INHBC: variants seen among roughly 807,000 people sequenced by gnomAD.
The protein encoded by INHBC is inhibin beta C chain.
Under a neutral mutation model 12.4 loss-of-function variants are expected in INHBC, and 10 were observed. The observed-to-expected ratio is 0.81, with a 90% CI of 0.50 to 1.37. The LOEUF is 1.37. Ranked by LOEUF, INHBC falls within the 40% of genes most tolerant of loss-of-function variation. The pLI, the probability that INHBC is intolerant of heterozygous loss-of-function variation, is 0.00. For missense variants in INHBC, 382 were observed against 439.4 expected (o/e 0.87, Z 1.17); for synonymous variants, 147 against 171.6 (o/e 0.86, Z 1.12).
At chr12:57,435,814 G>T (rs1342686147) in intron 1 of INHBC, among the ~76,000 whole-genome samples, 1 of 151,814 alleles carries the variant, frequency 6.6e-6, no homozygotes, top group African/African-American at 2.4e-5. Flanking sequence ...GAAGCCAGGA[G>T]TTCGAGACCA....
chr12:57,441,423 G>A lies in INHBC; in HGVS notation c.313+6224G>A, dbSNP rs1594727386. Among the ~76,000 whole-genome samples, 7 of 149,644 alleles carry A rather than the reference G, an allele frequency of 4.7e-5. No homozygotes were observed. In the South Asian group the frequency reaches 1.5e-3, roughly 32 times the overall value. ...GCCTGTAATCCCAGCTACTGGGGAG[G>A]CTGAGGCAGGAGAATTGCTTGAACC... On this transcript the variant is annotated intron_variant, in intron 1 of 1. Transcript: ENST00000309668.
rs926591059 is a variant in INHBC, at chr12:57,434,863, G to A, written c.-24G>A. On this transcript the variant is annotated 5_prime_UTR_variant, in exon 1 of 2. Coordinates refer to ENST00000309668, the MANE Select transcript of INHBC (RefSeq NM_005538.4). Reference sequence around the variant, plus strand: ...AGACCCTGAGCCCTGAGTCTGTATTGCTCAAGAAGGGCCTTCCCCAGCAAT... The same window carrying A: ...AGACCCTGAGCCCTGAGTCTGTATTACTCAAGAAGGGCCTTCCCCAGCAAT... 1 of 1,589,718 alleles carries A rather than the reference G, an allele frequency of 6.3e-7. No homozygotes were observed. The highest frequency in any genetic ancestry group is 1.3e-5 in the African/African-American group (1 of 74,536).
intron 1 of INHBC, among the ~76,000 whole-genome samples, chr12:57,445,721 C>A (rs556000235): frequency 5.0e-5 from 7 of 141,364 alleles, no homozygotes; most frequent in South Asian, 2.4e-4. Context: ...AGACCCCCCG[C>A]CCATCTCCAT....
intron 1 of INHBC, among the ~76,000 whole-genome samples, chr12:57,437,073 A>T (rs1180321259): frequency 6.6e-6 from 1 of 152,196 alleles, no homozygotes; most frequent in Non-Finnish European, 1.5e-5. Context: ...CTAAGATTAC[A>T]GACATGAGCC....
intron 1 of INHBC, among the ~76,000 whole-genome samples, chr12:57,436,307 G>A (rs1870335947): frequency 6.6e-6 from 1 of 150,890 alleles, no homozygotes. Flanking sequence ...TGGGACTACA[G>A]GCGTGTGTCA....
chr12:57,449,731 C>T lies in INHBC; in HGVS notation c.768C>T (p.Phe256=). The T allele has an allele frequency of 6.2e-7, 1 of 1,613,824 alleles. No individual in the cohort carries two copies. The highest frequency in any genetic ancestry group is 1.1e-5 in the South Asian group (1 of 91,086). The change falls in exon 2 of 2, where the codon TTC becomes TTT. Residue 256 remains phenylalanine (F), a synonymous_variant. Coordinates refer to ENST00000309668, the MANE Select transcript of INHBC (RefSeq NM_005538.4). Reference sequence around the variant, plus strand: ...GTCGACAAGAGTTTTTTGTGGACTTCCGTGAGATTGGCTGGCACGACTGGA... The same window carrying T: ...GTCGACAAGAGTTTTTTGTGGACTTTCGTGAGATTGGCTGGCACGACTGGA... ...MCCRQEFFVD[F]REIGWHDWII...
chr12:57,440,346 T>G (rs575717874), intron 1 of INHBC, among the ~76,000 whole-genome samples: 1 of 149,632 alleles, frequency 6.7e-6, no homozygotes, highest in African/African-American at 2.4e-5. Flanking sequence ...TTTTTTTTTT[T>G]TTTTTGAGAC....
At chr12:57,447,924 AAAT>A (rs1870625872) in intron 1 of INHBC, among the ~76,000 whole-genome samples, 2 of 81,066 alleles carry the variant, frequency 2.5e-5, no homozygotes, top group South Asian at 7.8e-4. Context: ...TATATATATA[AAAT>A]ATATGTGTGT....
In INHBC at chr12:57,435,130, G is replaced by A. The variant is rs992640698; in HGVS notation, c.244G>A (p.Val82Ile). Residue 82 changes from valine to isoleucine, a missense_variant, in exon 1 of 2, where the codon GTC (valine) becomes ATC (isoleucine). Physicochemically the swap from Val to Ile is conservative, Grantham distance 29. Coordinates refer to ENST00000309668, the MANE Select transcript of INHBC (RefSeq NM_005538.4). The stretch of plus-strand genomic sequence containing the variant: ...GACTGCACTGCAGCACCTCCACGGG[G>A]TCCCACAGGGGGCACTTCTAGAGGA... The part of the protein sequence containing the change: ...LRTALQHLHG[V>I]PQGALLEDNR... 1 of 1,614,164 alleles carries A rather than the reference G, an allele frequency of 6.2e-7. No homozygotes were observed. Among genetic ancestry groups the A allele is most frequent in the South Asian group, 1.1e-5 (1 of 91,090 alleles).
intron 1 of INHBC, among the ~76,000 whole-genome samples, chr12:57,448,753 T>C (rs539254597): frequency 2.4e-4 from 37 of 152,272 alleles, no homozygotes; most frequent in African/African-American, 7.9e-4. Context: ...AGTTGTGTCA[T>C]GGAAGCCAAG....
Position 57,451,133 on chromosome 12 carries a change from T to C in INHBC, c.*1111T>C, listed in dbSNP as rs1164888948. ...CATCTCACACTTTATGCCTCTTCTT[T>C]CTTAGGCACCCCGTCCCTCCATCCT... On this transcript the variant is annotated 3_prime_UTR_variant, in exon 2 of 2. Coordinates refer to ENST00000309668, the MANE Select transcript of INHBC (RefSeq NM_005538.4). 1.3e-5 allele frequency among the ~76,000 whole-genome samples: 2 copies of C among 152,214 alleles called. No individual in the cohort carries two copies. The highest frequency in any genetic ancestry group is 2.9e-5 in the Non-Finnish European group (2 of 68,044).
chr12:57,448,868 G>C (rs565459181), intron 1 of INHBC, among the ~76,000 whole-genome samples: 3 of 152,362 alleles, frequency 2.0e-5, no homozygotes, highest in African/African-American at 7.2e-5. Flanking sequence ...ATAATGAGCA[G>C]AAATATATTA....
In INHBC at chr12:57,450,730, G is replaced by A. The variant is rs1469448143; in HGVS notation, c.*708G>A. On this transcript the variant is annotated 3_prime_UTR_variant, in exon 2 of 2. Coordinates refer to ENST00000309668, the MANE Select transcript of INHBC (RefSeq NM_005538.4). ...CATTTCTTATCCCTGTTCCCTCTCTGTCTAGGTGTCATGGTTCTGTGTAAC... is the reference window on the plus strand; with the variant it reads ...CATTTCTTATCCCTGTTCCCTCTCTATCTAGGTGTCATGGTTCTGTGTAAC... 1.3e-5 allele frequency: 2 copies of A among 152,184 alleles called. No individual in the cohort carries two copies. Among genetic ancestry groups the A allele is most frequent in the South Asian group, 2.1e-4 (1 of 4,814 alleles). 9.4% of individuals were successfully genotyped at this position (152,184 alleles called of 1,614,324 possible).
chr12:57,445,794 G>A (rs912536198), intron 1 of INHBC, among the ~76,000 whole-genome samples: 3 of 142,940 alleles, frequency 2.1e-5, no homozygotes, highest in African/African-American at 7.8e-5. Flanking sequence ...AGGCTAGAGT[G>A]CAATGCAATG....
At chr12:57,448,913 A>G (rs1870644914) in intron 1 of INHBC, among the ~76,000 whole-genome samples, 1 of 152,242 alleles carries the variant, frequency 6.6e-6, no homozygotes, top group Non-Finnish European at 1.5e-5. Flanking sequence ...GTCCAAGATC[A>G]AGGGGCTGGC....
At chr12:57,445,722 C>CG (rs1469259408) in intron 1 of INHBC, among the ~76,000 whole-genome samples, 3 of 146,890 alleles carry the variant, frequency 2.0e-5, no homozygotes, top group South Asian at 2.4e-4. Context: ...GACCCCCCGC[C>CG]CATCTCCATG....
intron 1 of INHBC, among the ~76,000 whole-genome samples, chr12:57,445,390 G>T (rs61352607): frequency 0.19 from 28,320 of 152,144 alleles, 3,133 homozygotes; most frequent in Admixed American, 0.28. Flanking sequence ...AGAAAAAGAT[G>T]GTTGTGAGTT....
intron 1 of INHBC, among the ~76,000 whole-genome samples, chr12:57,436,476 T>C (rs1048936581): frequency 5.1e-5 from 7 of 137,874 alleles, no homozygotes; most frequent in Admixed American, 3.6e-4. Context: ...TCTTTTTCTT[T>C]TTTTTTTTTT....
At position 57,447,816 on chromosome 12, in the gene INHBC, T is replaced by A. The variant is rs572030021; in HGVS notation, c.314-1461T>A. Among the ~76,000 whole-genome samples, 7 of 116,794 alleles carry A rather than the reference T, an allele frequency of 6.0e-5. No individual in the cohort carries two copies. The South Asian group carries it at 2.2e-3, about 37-fold the overall frequency. 76.6% of individuals were successfully genotyped at this position (116,794 alleles called of 152,430 possible). On this transcript the variant is annotated intron_variant, in intron 1 of 1. Coordinates refer to ENST00000309668, the MANE Select transcript of INHBC (RefSeq NM_005538.4). ...GGCAGCGGTTGCAGTGAGCTGAGAT[T>A]GCGCCATTGCACTCCAGCCTGGGCA... is the stretch of plus-strand genomic sequence containing the variant.
Sources: gnomAD v4.1 joint callset for allele counts (sites outside exome capture counted in the v4.1 genomes callset) on GRCh38, gnomAD v4.1.1 for gene constraint, MANE v1.5 for transcripts, NCBI Gene and HGNC (gene_info 2026-07-23, HGNC 2026-07-21) for gene names.